The following CPS1 variants were observed in gnomAD, a reference collection of about 807,000 sequenced individuals.
CPS1 encodes the protein carbamoyl-phosphate synthase 1.
In CPS1, 109 loss-of-function variants were observed where a neutral mutation model predicts 174.6. The ratio of observed to expected loss-of-function variants is 0.62; its 90% confidence interval spans 0.53 to 0.73. CPS1 has a LOEUF of 0.73. CPS1 is among the 30% of genes least tolerant of loss of function. The probability of loss-of-function intolerance (pLI) is 0.00; values close to 1 mark genes in which losing one functional copy is unlikely to be tolerated. For synonymous variants in CPS1, 637 were observed against 632.0 expected, an observed-to-expected ratio of 1.01 and a Z score of -0.12; for missense variants, 1,689 against 1,821.9, an observed-to-expected ratio of 0.93 and a Z score of 1.33.
At chr2:210,580,415 T>C (rs1042998118) in intron 5 of CPS1, among the ~76,000 whole-genome samples, 2 of 152,050 alleles carry the variant, frequency 1.3e-5, no homozygotes, top group African/African-American at 4.8e-5. Context: ...CATCTGCTTG[T>C]TGAGTTTATT....
chr2:210,510,117 C>T (rs922971748), intron 1 of CPS1, among the ~76,000 whole-genome samples: 108 of 152,314 alleles, frequency 7.1e-4, no homozygotes, highest in African/African-American at 2.5e-3. Context: ...CACTACCTGA[C>T]TTCAAACTAT....
intron 6 of CPS1, among the ~76,000 whole-genome samples, chr2:210,585,135 T>C (rs1043419012): frequency 6.6e-6 from 1 of 152,026 alleles, no homozygotes; most frequent in African/African-American, 2.4e-5. Flanking sequence ...CTTGGTTGGC[T>C]CTTTGAGGGG....
intron 1 of CPS1, among the ~76,000 whole-genome samples, chr2:210,568,094 C>T (rs1697359675): frequency 6.6e-6 from 1 of 152,028 alleles, no homozygotes; most frequent in Non-Finnish European, 1.5e-5. Context: ...AAGTTAAAAT[C>T]TAGTACGGTA....
chr2:210,483,815 G>T (rs1415451540), intron 1 of CPS1, among the ~76,000 whole-genome samples: 4 of 152,128 alleles, frequency 2.6e-5, no homozygotes, highest in African/African-American at 9.7e-5. Context: ...CATGTATCTT[G>T]TTTATTCACA....
At position 210,592,873 on chromosome 2, in the gene CPS1, C is replaced by T; in HGVS notation, c.1087-6C>T. ...AGGAATTTCTTCCTGTTTCTTATTC[C>T]TTTAGGGGATTATGCATGAGAGCAA... On this transcript the variant is annotated splice_polypyrimidine_tract_variant and splice_region_variant and intron_variant, in intron 10 of 37. Transcript: ENST00000233072. The T allele has an allele frequency of 6.2e-7, 1 of 1,611,298 alleles. No individual in the cohort carries two copies. Among genetic ancestry groups the T allele is most frequent in the Non-Finnish European group, 8.5e-7 (1 of 1,178,042 alleles).
At chr2:210,525,919 G>T (rs1178359777) in intron 1 of CPS1, among the ~76,000 whole-genome samples, 1 of 151,684 alleles carries the variant, frequency 6.6e-6, no homozygotes, top group African/African-American at 2.4e-5. Context: ...GACTGGGTGA[G>T]AGAAAAGAAT....
At chr2:210,579,656 C>T (rs1415515348) in intron 4 of CPS1, 58 bp from the exon 5 acceptor site, 4 of 1,388,700 alleles carry the variant, frequency 2.9e-6, no homozygotes, top group Non-Finnish European at 4.1e-6. Flanking sequence ...AACTTGAAAA[C>T]AATATGCTGG....
intron 22 of CPS1, among the ~76,000 whole-genome samples, chr2:210,638,934 A>G (rs1311436646): frequency 2.0e-5 from 3 of 152,160 alleles, no homozygotes; most frequent in African/African-American, 7.2e-5. Flanking sequence ...TAGTGATCCA[A>G]TGCCCTGTTT....
intron 27 of CPS1, among the ~76,000 whole-genome samples, chr2:210,649,320 A>G (rs1700490738): frequency 6.6e-6 from 1 of 152,218 alleles, no homozygotes; most frequent in South Asian, 2.1e-4. Flanking sequence ...AAACATGCAC[A>G]CATTTAAGGA....
At chr2:210,485,708 C>A (rs1694698411) in intron 1 of CPS1, among the ~76,000 whole-genome samples, 1 of 152,084 alleles carries the variant, frequency 6.6e-6, no homozygotes, top group African/African-American at 2.4e-5. Context: ...TCTATCCAGC[C>A]ATTGGCTATT....
At position 210,637,799 on chromosome 2, in the gene CPS1, AG is replaced by A; in HGVS notation, c.2788del (p.Glu930SerfsTer2). On this transcript the variant is annotated frameshift_variant, in exon 22 of 38. Transcript: ENST00000233072. LOFTEE classifies it high-confidence loss of function. ...KCLGLTEAQT[R>X]ELRLKKNIHP... ...CCTTGGGCTCACTGAGGCCCAGACAAGGGAGCTGAGGTTAAAGAAAAACATC... is the reference window on the plus strand; with the variant it reads ...CCTTGGGCTCACTGAGGCCCAGACAAGGAGCTGAGGTTAAAGAAAAACATC... 1 of 1,614,008 alleles carries A rather than the reference AG, an allele frequency of 6.2e-7. No homozygotes were observed. The highest frequency in any genetic ancestry group is 1.1e-5 in the South Asian group (1 of 91,078).
At chr2:210,524,273 A>G (rs896397843) in intron 1 of CPS1, among the ~76,000 whole-genome samples, 1 of 151,956 alleles carries the variant, frequency 6.6e-6, no homozygotes, top group Non-Finnish European at 1.5e-5. Context: ...TAATGACTGT[A>G]TATATTTTTC....
At chr2:210,642,463 C>T (rs1427090796) in intron 24 of CPS1, 21 bp from the exon 25 acceptor site, 1 of 1,613,786 alleles carries the variant, frequency 6.2e-7, no homozygotes, top group Non-Finnish European at 8.5e-7. Flanking sequence ...ATCCCTTTTG[C>T]CAATCTCATT....
chr2:210,487,034 AAT>A (rs1280831008), intron 1 of CPS1, among the ~76,000 whole-genome samples: 12 of 150,196 alleles, frequency 8.0e-5, no homozygotes, highest in Middle Eastern at 3.4e-3. Context: ...TTACTCTGTA[AAT>A]GAATTGTGCT....
At chr2:210,580,117 A>G (rs537627633) in intron 5 of CPS1, among the ~76,000 whole-genome samples, 1 of 152,318 alleles carries the variant, frequency 6.6e-6, no homozygotes, top group African/African-American at 2.4e-5. Flanking sequence ...AACAAATTGC[A>G]TAACAATTTT....
At position 210,616,414 on chromosome 2, in the gene CPS1, T is replaced by G; in HGVS notation, c.2569-9T>G. 1.3e-6 allele frequency: 2 copies of G among 1,579,888 alleles called. No homozygotes were observed. Among genetic ancestry groups the G allele is most frequent in the Non-Finnish European group, 1.7e-6 (2 of 1,149,560 alleles). ...TTGCCAAAGAAAGTATCTCTTCTCC[T>G]CTTGGCAGGCCATTGATGACAACAT... is the stretch of plus-strand genomic sequence containing the variant. On this transcript the variant is annotated splice_polypyrimidine_tract_variant and intron_variant, in intron 20 of 37. Transcript: ENST00000233072.
chr2:210,609,306 G>C lies in CPS1; in HGVS notation c.2391+747G>C, dbSNP rs138635400. ...TCACTCCCTTGCCTCCTTCCACCAA[G>C]TCCTAATCATTTTCTGCATCCAGAA... On this transcript the variant is annotated intron_variant, in intron 19 of 37. Coordinates refer to ENST00000233072, the MANE Select transcript of CPS1 (RefSeq NM_001875.5). Among the ~76,000 whole-genome samples, 692 of 152,010 alleles carry C rather than the reference G, an allele frequency of 4.6e-3. 7 individuals are homozygous for C. The highest frequency in any genetic ancestry group is 0.015 in the African/African-American group (633 of 41,514).
chr2:210,579,651 G>A (rs1697843030), intron 4 of CPS1, 63 bp from the exon 5 acceptor site: 1 of 1,369,444 alleles, frequency 7.3e-7, no homozygotes, highest in African/African-American at 1.4e-5. Flanking sequence ...TTTGTAACTT[G>A]AAAACAATAT....
At chr2:210,608,275 A>G (rs1698990494) in intron 18 of CPS1, 86 bp from the exon 19 acceptor site, 4 of 1,294,978 alleles carry the variant, frequency 3.1e-6, no homozygotes, top group Non-Finnish European at 4.4e-6. Context: ...ATAATACCAG[A>G]AATTTTAAGA....
Sources: allele counts gnomAD v4.1 joint callset (sites outside exome capture counted in the v4.1 genomes callset), GRCh38; gene constraint gnomAD v4.1.1; transcripts MANE v1.5; gene names NCBI Gene and HGNC (gene_info 2026-07-23, HGNC 2026-07-21).